Variants in NCAPG2 observed in about 807,000 individuals in gnomAD.
The protein encoded by NCAPG2 is condensin-2 complex subunit G2.
A neutral mutation model predicts 141.1 loss-of-function variants in NCAPG2; 53 were observed. The ratio of observed to expected loss-of-function variants is 0.38; its 90% confidence interval spans 0.30 to 0.47. The LOEUF is 0.47. Among genes scored for constraint, NCAPG2 ranks in the 20% least tolerant of loss-of-function variants. The probability of loss-of-function intolerance (pLI) is 0.99; values close to 1 mark genes in which losing one functional copy is unlikely to be tolerated. For synonymous variants in NCAPG2, 499 were observed against 490.7 expected (o/e 1.02, Z -0.22); for missense variants, 1,087 against 1,389.0 (o/e 0.78, Z 3.46).
intron 27 of NCAPG2, among the ~76,000 whole-genome samples, chr7:158,643,738 G>C (rs1301029788): frequency 6.6e-6 from 1 of 152,190 alleles, no homozygotes; most frequent in East Asian, 1.9e-4. Flanking sequence ...TGATCTAAAA[G>C]TCAAACACAA....
chr7:158,671,375 A>G, intron 13 of NCAPG2, 139 bp downstream of exon 13: 2 of 1,124,132 alleles, frequency 1.8e-6, no homozygotes, highest in South Asian at 1.4e-5. Context: ...AAAACACAAA[A>G]TAACATTTTT....
intron 27 of NCAPG2, among the ~76,000 whole-genome samples, chr7:158,635,604 C>T (rs1830131847): frequency 6.6e-6 from 1 of 152,094 alleles, no homozygotes; most frequent in Admixed American, 6.6e-5. Flanking sequence ...CATTTAAATG[C>T]ACCAGTGCAT....
intron 17 of NCAPG2, among the ~76,000 whole-genome samples, chr7:158,657,592 G>A (rs1832090645): frequency 6.6e-6 from 1 of 152,174 alleles, no homozygotes; most frequent in African/African-American, 2.4e-5. Context: ...CCTCTGCCTG[G>A]CCGCCCCTAC....
At chr7:158,688,350 G>T (rs1834905917) in intron 6 of NCAPG2, among the ~76,000 whole-genome samples, 1 of 152,096 alleles carries the variant, frequency 6.6e-6, no homozygotes, top group Admixed American at 6.5e-5. Context: ...AAGGGTAGAG[G>T]TTATAACACA....
chr7:158,686,774 T>C (rs1834778477), intron 7 of NCAPG2, among the ~76,000 whole-genome samples: 1 of 152,216 alleles, frequency 6.6e-6, no homozygotes, highest in Non-Finnish European at 1.5e-5. Flanking sequence ...AACTTGGTAC[T>C]TATACAGTTG....
intron 27 of NCAPG2, among the ~76,000 whole-genome samples, chr7:158,637,158 A>G (rs983592941): frequency 3.0e-4 from 46 of 152,146 alleles, no homozygotes; most frequent in African/African-American, 1.0e-3. Flanking sequence ...CGTGTTAGCC[A>G]GGATGGTCTC....
At chr7:158,672,290 GTGTATATATATA>G (rs1385361626) in intron 12 of NCAPG2, among the ~76,000 whole-genome samples, 5 of 24,704 alleles carry the variant, frequency 2.0e-4, no homozygotes, top group African/African-American at 8.3e-4. Context: ...GTGTGTGTGT[GTGTATATATATA>G]TATATATATA....
intron 12 of NCAPG2, among the ~76,000 whole-genome samples, chr7:158,672,059 A>G (rs1236849308): frequency 2.0e-5 from 3 of 151,992 alleles, no homozygotes; most frequent in Non-Finnish European, 4.4e-5. Context: ...TCGATACTGC[A>G]TGAGGATTGG....
intron 24 of NCAPG2, among the ~76,000 whole-genome samples, chr7:158,649,259 T>C (rs746862882): frequency 1.2e-4 from 18 of 152,134 alleles, no homozygotes; most frequent in Non-Finnish European, 2.1e-4. Context: ...CACAATCACA[T>C]ATAAAATAAG....
chr7:158,675,712 C>A, intron 11 of NCAPG2, 56 bp from the exon 12 acceptor site: 2 of 1,552,106 alleles, frequency 1.3e-6, no homozygotes, highest in African/African-American at 2.8e-5. Flanking sequence ...CCGAAATCCA[C>A]ATCTGCTTCA....
intron 17 of NCAPG2, 120 bp downstream of exon 17, chr7:158,658,214 AGAAG>A (rs2129459505): frequency 1.3e-6 from 1 of 750,910 alleles, no homozygotes; most frequent in South Asian, 3.5e-5. Context: ...AGGGAAGGGC[AGAAG>A]GAAGAGGCCA....
intron 16 of NCAPG2, among the ~76,000 whole-genome samples, chr7:158,659,453 A>AGGTTAAGCTCT (rs1832306827): frequency 1.4e-5 from 1 of 70,808 alleles, no homozygotes; most frequent in Admixed American, 1.4e-4. Flanking sequence ...TTAAGCTCTC[A>AGGTTAAGCTCT]GAGTCAGTTT....
At chr7:158,671,688 A>G (rs1833694873) in intron 12 of NCAPG2, 22 bp from the exon 13 acceptor site, 2 of 1,610,540 alleles carry the variant, frequency 1.2e-6, no homozygotes, top group South Asian at 2.2e-5. Flanking sequence ...AGAAAGATAA[A>G]CAATTCAAAA....
At chr7:158,659,403 T>C (rs1832301360) in intron 16 of NCAPG2, among the ~76,000 whole-genome samples, 1 of 150,184 alleles carries the variant, frequency 6.7e-6, no homozygotes, top group African/African-American at 2.5e-5. Flanking sequence ...CCCAATCAGA[T>C]TCTGTAGCCC....
chr7:158,675,048 G>C (rs930379129), intron 12 of NCAPG2, among the ~76,000 whole-genome samples: 1 of 152,186 alleles, frequency 6.6e-6, no homozygotes, highest in Admixed American at 6.5e-5. Context: ...TAAACCTGAA[G>C]ACAGTTCAGG....
intron 13 of NCAPG2, among the ~76,000 whole-genome samples, chr7:158,670,074 G>A (rs1362418052): frequency 6.6e-6 from 1 of 152,160 alleles, no homozygotes; most frequent in Admixed American, 6.5e-5. Flanking sequence ...CAACACAACA[G>A]GACAGAGTCC....
chr7:158,664,885 A>C, intron 13 of NCAPG2, 135 bp from the exon 14 acceptor site: 1 of 683,402 alleles, frequency 1.5e-6, no homozygotes, highest in Non-Finnish European at 2.5e-6. Context: ...TCGAATGACT[A>C]CACCAAAATC....
At chr7:158,671,398 T>G (rs1043609534) in intron 13 of NCAPG2, 116 bp downstream of exon 13, 7 of 1,241,128 alleles carry the variant, frequency 5.6e-6, no homozygotes, top group African/African-American at 1.5e-5. Flanking sequence ...CAGAGATAAC[T>G]GGTCAAATCA....
intron 11 of NCAPG2, among the ~76,000 whole-genome samples, chr7:158,678,939 C>T (rs879504354): frequency 6.6e-6 from 1 of 152,132 alleles, no homozygotes; most frequent in African/African-American, 2.4e-5. Flanking sequence ...TAGACTTGAC[C>T]TCCTGGGCTG....
Sources: allele counts gnomAD v4.1 joint callset (sites outside exome capture counted in the v4.1 genomes callset), GRCh38; gene constraint gnomAD v4.1.1; transcripts MANE v1.5; gene names NCBI Gene and HGNC (gene_info 2026-07-23, HGNC 2026-07-21).